WDR59: variants seen among roughly 807,000 people sequenced by gnomAD.
The protein encoded by WDR59 is GATOR2 complex protein WDR59.
In WDR59, 100 loss-of-function variants were observed where a neutral mutation model predicts 131.2. The ratio of observed to expected loss-of-function variants is 0.76; its 90% CI spans 0.65 to 0.90. The LOEUF (loss-of-function observed/expected upper bound fraction) is 0.90, where lower values mean the gene tolerates loss of function less well. Among genes scored for constraint, WDR59 ranks in the 40% least tolerant of loss-of-function variants. The pLI is 0.00. For missense variants in WDR59, 1,203 were observed against 1,262.2 expected, an observed-to-expected ratio of 0.95 and a Z score of 0.71; for synonymous variants, 601 against 466.2, an observed-to-expected ratio of 1.29 and a Z score of -3.72.
chr16:74,916,059 G>A (rs756252260), intron 12 of WDR59, 65 bp from the exon 13 acceptor site: 46 of 1,613,794 alleles, frequency 2.9e-5, no homozygotes, highest in Non-Finnish European at 3.8e-5. Flanking sequence ...AACAGGTCTG[G>A]GGTATCTGCC....
At chr16:74,956,713 C>A in intron 2 of WDR59, 103 bp from the exon 3 acceptor site, 1 of 1,389,742 alleles carries the variant, frequency 7.2e-7, no homozygotes, top group Non-Finnish European at 9.8e-7. Context: ...AAGCAGTGCT[C>A]CAAAAAACCC....
At chr16:74,895,255 T>C (rs1229937478) in intron 18 of WDR59, among the ~76,000 whole-genome samples, 1 of 152,106 alleles carries the variant, frequency 6.6e-6, no homozygotes, top group Non-Finnish European at 1.5e-5. Context: ...TTTAACCCGT[T>C]TGATCTTTTT....
chr16:74,950,609 C>T (rs1187585949), intron 4 of WDR59, among the ~76,000 whole-genome samples: 1 of 152,190 alleles, frequency 6.6e-6, no homozygotes, highest in African/African-American at 2.4e-5. Context: ...CCTTTCCCAG[C>T]ACTTCCAGGT....
intron 8 of WDR59, among the ~76,000 whole-genome samples, chr16:74,925,359 C>A (rs1462489108): frequency 6.6e-6 from 1 of 152,064 alleles, no homozygotes; most frequent in Non-Finnish European, 1.5e-5. Flanking sequence ...GCCTGGCCAA[C>A]ATGGCGAAAC....
chr16:74,905,920 T>C (rs1340646515), intron 17 of WDR59, among the ~76,000 whole-genome samples: 1 of 151,666 alleles, frequency 6.6e-6, no homozygotes, highest in Non-Finnish European at 1.5e-5. Context: ...ATGGGCAAAA[T>C]ACTTAACAAG....
Position 74,874,414 on chromosome 16 carries a change from C to G in WDR59, c.2720G>C (p.Ser907Thr). The G allele has an allele frequency of 6.2e-7, 1 of 1,614,078 alleles. No homozygotes were observed. The highest frequency in any genetic ancestry group is 1.1e-5 in the South Asian group (1 of 91,084). The change falls in exon 26 of 26, where the codon AGT becomes ACT. Residue 907 changes from serine (S) to threonine (T), a missense_variant. By Grantham distance (58) the Ser-to-Thr change is moderately conservative (BLOSUM62 1). Transcript: ENST00000262144. ...EFGVYCSHCR[S>T]EVRGTQCAIC... ...GGCACACTGCGTGCCACGGACCTCA[C>G]TCCGGCAGTGGCTGCAGTACACGCC...
chr16:74,983,793 T>C (rs1037678847), intron 1 of WDR59, among the ~76,000 whole-genome samples: 4 of 151,140 alleles, frequency 2.6e-5, no homozygotes, highest in African/African-American at 9.7e-5. Context: ...CTGGACAACA[T>C]AGGGAGACCC....
intron 7 of WDR59, among the ~76,000 whole-genome samples, chr16:74,941,672 A>G (rs1355368390): frequency 6.7e-6 from 1 of 148,918 alleles, no homozygotes; most frequent in Non-Finnish European, 1.5e-5. Flanking sequence ...AGCCTGGACG[A>G]CAGAATGAGA....
At position 74,915,766 on chromosome 16, in the gene WDR59, T is replaced by C. The variant is rs182771396; in HGVS notation, c.1224+104A>G. 163 of 1,542,946 alleles carry C rather than the reference T, an allele frequency of 1.1e-4. 1 individual carries two copies. The highest frequency in any genetic ancestry group is 2.8e-4 in the Admixed American group (16 of 58,100). On this transcript the variant is annotated intron_variant, in intron 13 of 25. Transcript: ENST00000262144. ...AAAAAGCAAGCAGAGAGAGTTCTGTTAAAGCTGCAAAGCTATTTGCTAACT... is the reference window on the plus strand; with the variant it reads ...AAAAAGCAAGCAGAGAGAGTTCTGTCAAAGCTGCAAAGCTATTTGCTAACT...
At chr16:74,882,120 C>A (rs1482313262) in intron 25 of WDR59, among the ~76,000 whole-genome samples, 1 of 152,132 alleles carries the variant, frequency 6.6e-6, no homozygotes, top group Non-Finnish European at 1.5e-5. Context: ...CTTTGTACAT[C>A]CCACAGAATC....
chr16:74,938,255 T>C lies in WDR59; in HGVS notation c.546A>G (p.Thr182=). 6.5e-7 allele frequency: 1 copy of C among 1,542,258 alleles called. No individual in the cohort carries two copies. The highest frequency in any genetic ancestry group is 2.4e-5 in the East Asian group (1 of 40,918). Residue 182 remains threonine (T), a synonymous_variant, in exon 8 of 26, where the codon ACA becomes ACG. Coordinates refer to ENST00000262144, the MANE Select transcript of WDR59 (RefSeq NM_030581.4). Reference sequence around the variant, plus strand: ...GGTGGGCGGCTAGATATTCCACTGCTGTACTGGGTTTCTGCAACAGATCAG... The same window carrying C: ...GGTGGGCGGCTAGATATTCCACTGCCGTACTGGGTTTCTGCAACAGATCAG... ...VRIWDKRKPS[T]AVEYLAAHLS...
intron 2 of WDR59, chr16:74,963,046 A>G (rs1193463645): frequency 6.6e-6 from 1 of 152,210 alleles, no homozygotes; most frequent in Non-Finnish European, 1.5e-5. Flanking sequence ...GTCTGAGTTC[A>G]GGAGATCAAG....
At chr16:74,918,070 G>A (rs1366741310) in intron 10 of WDR59, 62 bp from the exon 11 acceptor site, 4 of 1,524,752 alleles carry the variant, frequency 2.6e-6, no homozygotes, top group Non-Finnish European at 3.6e-6. Flanking sequence ...TTTGCTAGAG[G>A]TTGAAATGGA....
intron 2 of WDR59, among the ~76,000 whole-genome samples, chr16:74,960,292 C>T (rs1182284497): frequency 1.3e-5 from 2 of 151,730 alleles, no homozygotes; most frequent in African/African-American, 4.8e-5. Flanking sequence ...CATCGCGCCA[C>T]TGCACTCCAG....
chr16:74,985,064 C>G lies in WDR59; in HGVS notation c.-47G>C, dbSNP rs766459042. 7.8e-6 allele frequency: 12 copies of G among 1,531,954 alleles called. No individual in the cohort carries two copies. The highest frequency in any genetic ancestry group is 1.4e-5 in the African/African-American group (1 of 72,696). The allele number at this position is 1,531,954 out of a possible 1,614,324, so 94.9% of individuals were successfully genotyped here. ...GCCCCAGGACGGCGCCCTCCCACCC[C>G]GCCGTCCCCAGTATCCCGGGACCGT... On this transcript the variant is annotated 5_prime_UTR_variant, in exon 1 of 26. Coordinates refer to ENST00000262144, the MANE Select transcript of WDR59 (RefSeq NM_030581.4).
At chr16:74,916,741 C>G (rs1966407648) in intron 11 of WDR59, among the ~76,000 whole-genome samples, 1 of 151,914 alleles carries the variant, frequency 6.6e-6, no homozygotes, top group Non-Finnish European at 1.5e-5. Flanking sequence ...CGCCTACAGT[C>G]CCAGCTACTC....
At chr16:74,909,011 T>G (rs750573114) in intron 16 of WDR59, 34 bp from the exon 17 acceptor site, 1 of 1,592,536 alleles carries the variant, frequency 6.3e-7, no homozygotes, top group Non-Finnish European at 8.6e-7. Context: ...GCCATCAGTG[T>G]CAACAAGCTG....
intron 3 of WDR59, among the ~76,000 whole-genome samples, chr16:74,951,842 C>T (rs1420180052): frequency 6.6e-6 from 1 of 152,154 alleles, no homozygotes; most frequent in Admixed American, 6.5e-5. Context: ...AGACGAGCTT[C>T]ATGGGCCAGG....
intron 25 of WDR59, among the ~76,000 whole-genome samples, chr16:74,874,787 C>T (rs140715699): frequency 0.018 from 2,667 of 152,252 alleles, 60 homozygotes; most frequent in African/African-American, 0.057. Flanking sequence ...GACGGGGTTT[C>T]GCCATGTTGG....
Sources: gnomAD v4.1 joint callset for allele counts (sites outside exome capture counted in the v4.1 genomes callset) on GRCh38, gnomAD v4.1.1 for gene constraint, MANE v1.5 for transcripts, NCBI Gene and HGNC (gene_info 2026-07-23, HGNC 2026-07-21) for gene names.